Variants in MINDY1 observed in about 807,000 individuals in gnomAD.
The protein encoded by MINDY1 is MINDY lysine 48 deubiquitinase 1, also known as ubiquitin carboxyl-terminal hydrolase MINDY-1.
A neutral mutation model predicts 53.6 loss-of-function variants in MINDY1; 50 were observed. The ratio of observed to expected loss-of-function variants is 0.93; its 90% CI spans 0.74 to 1.18. The LOEUF (loss-of-function observed/expected upper bound fraction) is 1.18. MINDY1 is among the 50% of genes most tolerant of loss of function. MINDY1 has a pLI of 0.00. For missense variants in MINDY1, 484 were observed against 578.6 expected (o/e 0.84, Z 1.68); for synonymous variants, 231 against 234.7 (o/e 0.98, Z 0.14).
chr1:151,006,242 C>T (rs1571746804), intron 1 of MINDY1, 70 bp downstream of exon 1: 2 of 1,510,574 alleles, frequency 1.3e-6, no homozygotes, highest in Non-Finnish European at 8.9e-7. Context: ...TGTCAGCTCC[C>T]CAAAGCTGGA....
At chr1:150,997,915 T>A in intron 8 of MINDY1, 136 bp from the exon 9 acceptor site, 1 of 1,162,334 alleles carries the variant, frequency 8.6e-7, no homozygotes. Flanking sequence ...CACAGCCAAA[T>A]GCATTATCTG....
At chr1:151,003,551 T>TA (rs891084491) in intron 1 of MINDY1, among the ~76,000 whole-genome samples, 5 of 152,126 alleles carry the variant, frequency 3.3e-5, no homozygotes, top group East Asian at 3.9e-4. Context: ...AGCTTCTCTT[T>TA]AAAAAAAATT....
Position 150,999,815 on chromosome 1 carries a change from C to T in MINDY1, c.838+47G>A. The T allele has an allele frequency of 6.6e-7, 1 of 1,513,858 alleles. No individual in the cohort carries two copies. The highest frequency in any genetic ancestry group is 2.3e-5 in the East Asian group (1 of 44,242). 93.8% of individuals were successfully genotyped at this position (1,513,858 alleles called of 1,614,324 possible). A position where few individuals can be genotyped will look rare whatever the true frequency, so the allele number is the denominator to read the frequency against. ...CCCAATAAAAAATAAGCCTAAGTAG[C>T]TGTCATTCCCTCCACATACTATCCA... On this transcript the variant is annotated intron_variant, in intron 6 of 9. Coordinates refer to ENST00000683666, the MANE Select transcript of MINDY1 (RefSeq NM_001376665.1). The surrounding 1 kb of genome is among the most constrained non-coding windows in gnomAD (Gnocchi z 4.4).
chr1:151,002,380 G>GC lies in MINDY1; in HGVS notation c.237dup (p.Pro80AlafsTer8). ...ACTTCAGGCAGTGTCCCAAGGGTTG[G>GC]CCCCGGTGGAGCTGAGCTAGCTTCA... On this transcript the variant is annotated frameshift_variant, in exon 2 of 10. Coordinates refer to ENST00000683666, the MANE Select transcript of MINDY1 (RefSeq NM_001376665.1). LOFTEE classifies it high-confidence loss of function. This position sits in a 1 kb window ranked among gnomAD's most constrained non-coding sequence, Gnocchi z 4.1. The GC allele has an allele frequency of 6.2e-7, 1 of 1,614,144 alleles. No individual in the cohort carries two copies. The highest frequency in any genetic ancestry group is 8.5e-7 in the Non-Finnish European group (1 of 1,180,016).
chr1:151,006,838 A>G lies in MINDY1; in HGVS notation c.-616T>C. ...AGAGGGAGCGAGAAACAGGAGAGAA[A>G]AACAACAGACCCTTTCTCTTCCCTC... On this transcript the variant is annotated 5_prime_UTR_variant, in exon 1 of 10. Transcript: ENST00000683666. 1 of 985,480 alleles carries G rather than the reference A, an allele frequency of 1.0e-6. No individual in the cohort carries two copies. Among genetic ancestry groups the G allele is most frequent in the Non-Finnish European group, 1.2e-6 (1 of 829,992 alleles). The allele number at this position is 985,480 out of a possible 1,614,324, so 61.0% of individuals were successfully genotyped here. A position where few individuals can be genotyped will look rare whatever the true frequency, so the allele number is the denominator to read the frequency against.
intron 1 of MINDY1, among the ~76,000 whole-genome samples, chr1:151,005,494 A>T (rs2102869362): frequency 6.6e-6 from 1 of 151,476 alleles, no homozygotes; most frequent in African/African-American, 2.4e-5. Context: ...AAAGAAAAGC[A>T]GGCCTTATTT....
At position 151,002,194 on chromosome 1, in the gene MINDY1, T is replaced by C. The variant is rs1320219086; in HGVS notation, c.424A>G (p.Ile142Val). 1 of 1,611,376 alleles carries C rather than the reference T, an allele frequency of 6.2e-7. No homozygotes were observed. ...CACTGAAGAAAGAGGATGTTCATGATGGCAAGGAGAGGGCAAGGGCCGTTA... is the reference window on the plus strand; with the variant it reads ...CACTGAAGAAAGAGGATGTTCATGACGGCAAGGAGAGGGCAAGGGCCGTTA... ...STNGPCPLLA[I>V]MNILFLQWKV... The change falls in exon 2 of 10, where the codon ATC (isoleucine) becomes GTC (valine). Residue 142 changes from isoleucine to valine, a missense_variant. Physicochemically the swap from Ile to Val is conservative, Grantham distance 29 (BLOSUM62 3). Coordinates refer to ENST00000683666, the MANE Select transcript of MINDY1 (RefSeq NM_001376665.1). This position sits in a 1 kb window ranked among gnomAD's most constrained non-coding sequence, Gnocchi z 4.1.
rs1376525259 is a variant in MINDY1, at chr1:150,997,254, G to C, written c.*33C>G. On this transcript the variant is annotated 3_prime_UTR_variant, in exon 10 of 10. Transcript: ENST00000683666. Reference sequence around the variant, plus strand: ...AGCCAACTAGCCATAGCCTCTGGAAGAAGGGGCAGGCCAGCCTGGCACTGG... The same window carrying C: ...AGCCAACTAGCCATAGCCTCTGGAACAAGGGGCAGGCCAGCCTGGCACTGG... 1 of 1,562,768 alleles carries C rather than the reference G, an allele frequency of 6.4e-7. No individual in the cohort carries two copies. The highest frequency in any genetic ancestry group is 2.4e-5 in the East Asian group (1 of 41,886).
chr1:150,998,359 CT>C (rs1415316750), intron 7 of MINDY1, 86 bp from the exon 8 acceptor site: 116 of 1,273,486 alleles, frequency 9.1e-5, no homozygotes, highest in Middle Eastern at 2.0e-4. Flanking sequence ...AGCATGTGGA[CT>C]TTTTTTTTCT....
At position 150,997,646 on chromosome 1, in the gene MINDY1, C is replaced by T. The variant is rs948991565; in HGVS notation, c.1307G>A (p.Arg436Gln). Reference protein sequence around the residue: ...QQQAAQPVRMRTRVLSLQGRG... With the variant: ...QQQAAQPVRMQTRVLSLQGRG... ...CACCTGCAGTGACAGGACCCGCGTC[C>T]GCATCCGCACTGGCTGCGCTGCCTG... The change falls in exon 9 of 10, where the codon CGG becomes CAG. Residue 436 changes from arginine to glutamine, a missense_variant. Physicochemically the swap from Arg to Gln is conservative, Grantham distance 43. Transcript: ENST00000683666. 17 of 1,610,522 alleles carry T rather than the reference C, an allele frequency of 1.1e-5. No homozygotes were observed. The Middle Eastern group carries it at 4.9e-4, about 47-fold the overall frequency.
chr1:151,004,130 T>C (rs1351724478), intron 1 of MINDY1, among the ~76,000 whole-genome samples: 5 of 151,774 alleles, frequency 3.3e-5, no homozygotes, highest in Middle Eastern at 6.8e-3. Flanking sequence ...TCCATGTTGG[T>C]CAGGCTGGTC....
intron 5 of MINDY1, 130 bp downstream of exon 5, chr1:151,000,327 C>T: frequency 1.1e-6 from 1 of 924,058 alleles, no homozygotes; most frequent in Non-Finnish European, 1.6e-6. Context: ...GTACTGGGTC[C>T]AGTCTCTAAA....
At chr1:151,005,474 G>GA (rs587751127) in intron 1 of MINDY1, among the ~76,000 whole-genome samples, 3,248 of 135,240 alleles carry the variant, frequency 0.024, 51 homozygotes, top group African/African-American at 0.05. Context: ...AAGAAAAAAA[G>GA]AAAAAAAAAA....
chr1:151,001,813 C>T, intron 2 of MINDY1, 31 bp from the exon 3 acceptor site: 1 of 1,573,010 alleles, frequency 6.4e-7, no homozygotes, highest in Non-Finnish European at 8.6e-7. Flanking sequence ...CACGTGTGTG[C>T]TTTCCTCCAA....
intron 1 of MINDY1, among the ~76,000 whole-genome samples, chr1:151,004,399 TC>T (rs1327351259): frequency 6.6e-6 from 1 of 151,890 alleles, no homozygotes; most frequent in East Asian, 1.9e-4. Flanking sequence ...CTTGCTCCCC[TC>T]CCACTCTTTA....
At position 151,001,232 on chromosome 1, in the gene MINDY1, G is replaced by A; in HGVS notation, c.576+18C>T. 1.2e-6 allele frequency: 2 copies of A among 1,613,944 alleles called. No homozygotes were observed. Among genetic ancestry groups the A allele is most frequent in the Non-Finnish European group, 1.7e-6 (2 of 1,179,812 alleles). ...TACAAACCTGCAAACCCCTATGCCT[G>A]CAGACCTTTTGCCTCACCTGCTGAA... On this transcript the variant is annotated intron_variant, in intron 4 of 9. Coordinates refer to ENST00000683666, the MANE Select transcript of MINDY1 (RefSeq NM_001376665.1).
chr1:151,001,339 C>T (rs770771480), intron 3 of MINDY1, 25 bp from the exon 4 acceptor site: 16 of 1,612,926 alleles, frequency 9.9e-6, no homozygotes, highest in Non-Finnish European at 1.3e-5. Flanking sequence ...CCCTTATCAG[C>T]TTACCCCACC....
upstream of MINDY1, chr1:151,008,359 C>A: frequency 3.1e-6 from 4 of 1,307,876 alleles, no homozygotes; most frequent in South Asian, 6.3e-5. Flanking sequence ...GCCACGCCCC[C>A]TTGGCCTCGC....
Position 150,998,057 on chromosome 1 carries a change from C to A in MINDY1, c.1173+25G>T, listed in dbSNP as rs759350883. The A allele has an allele frequency of 3.8e-6, 6 of 1,590,530 alleles. No individual in the cohort carries two copies. In the South Asian group the frequency reaches 5.7e-5, roughly 15 times the overall value. On this transcript the variant is annotated intron_variant, in intron 8 of 9. Transcript: ENST00000683666. ...CTCTCTGAGGCACATGTGCTCTCTG[C>A]ACTTTTCCTAAGTGCCCTACACACC... is the stretch of plus-strand genomic sequence containing the variant.
Sources: gnomAD v4.1 joint callset for allele counts (sites outside exome capture counted in the v4.1 genomes callset) on GRCh38, gnomAD v4.1.1 for gene constraint, Gnocchi (gnomAD v3.1) non-coding constraint, MANE v1.5 for transcripts, NCBI Gene and HGNC (gene_info 2026-07-23, HGNC 2026-07-21) for gene names.